Variants in ADCY5 observed in about 807,000 individuals in gnomAD.
ADCY5 encodes the protein adenylate cyclase type 5.
ADCY5 carries 30 observed loss-of-function variants against 119.7 expected under a neutral mutation model. The observed-to-expected ratio is 0.25, with a 90% CI of 0.19 to 0.34. The LOEUF (loss-of-function observed/expected upper bound fraction) is 0.34, where lower values mean the gene tolerates loss of function less well. Ranked by LOEUF, ADCY5 falls within the 10% of genes least tolerant of loss-of-function variation. ADCY5 has a pLI of 1.00. For synonymous variants in ADCY5, 753 were observed against 762.2 expected (o/e 0.99, Z 0.20); for missense variants, 1,324 against 1,775.2 (o/e 0.75, Z 4.57).
chr3:123,384,278 G>T (rs537929808), intron 1 of ADCY5, among the ~76,000 whole-genome samples: 34 of 152,342 alleles, frequency 2.2e-4, no homozygotes, highest in African/African-American at 7.9e-4. Context: ...AACAGAACAG[G>T]TTGGCTGGAC....
Position 123,400,292 on chromosome 3 carries a change from A to G in ADCY5, c.1134+47120T>C, listed in dbSNP as rs1944715648. 6.6e-5 allele frequency among the ~76,000 whole-genome samples: 10 copies of G among 152,296 alleles called. No homozygotes were observed. In the South Asian group the frequency reaches 2.1e-3, roughly 32 times the overall value. Reference sequence around the variant, plus strand: ...GTGCTACAAGCAGCCGGATGCTTCAAGACGCAGCTAGACCAGCACCGCTTG... The same window carrying G: ...GTGCTACAAGCAGCCGGATGCTTCAGGACGCAGCTAGACCAGCACCGCTTG... On this transcript the variant is annotated intron_variant, in intron 1 of 20. Coordinates refer to ENST00000462833, the MANE Select transcript of ADCY5 (RefSeq NM_183357.3).
intron 1 of ADCY5, among the ~76,000 whole-genome samples, chr3:123,443,435 G>C (rs1945756985): frequency 6.6e-6 from 1 of 152,054 alleles, no homozygotes; most frequent in Non-Finnish European, 1.5e-5. Context: ...CCACCACCTG[G>C]GTCAGCCTCA....
intron 1 of ADCY5, among the ~76,000 whole-genome samples, chr3:123,360,302 T>C (rs534433598): frequency 1.4e-4 from 22 of 152,224 alleles, no homozygotes; most frequent in African/African-American, 2.2e-4. Flanking sequence ...ACTAGGGTCC[T>C]GCCCAGACAA....
chr3:123,415,834 C>T (rs371540870), intron 1 of ADCY5, among the ~76,000 whole-genome samples: 3 of 152,198 alleles, frequency 2.0e-5, no homozygotes, highest in African/African-American at 4.8e-5. Flanking sequence ...AATTCAGGTA[C>T]AGATTGTTTT....
chr3:123,414,694 T>C (rs1945144570), intron 1 of ADCY5, among the ~76,000 whole-genome samples: 1 of 152,176 alleles, frequency 6.6e-6, no homozygotes, highest in Non-Finnish European at 1.5e-5. Context: ...GTAGCTGGGA[T>C]TACAGGCATG....
At chr3:123,295,986 G>A (rs1939475079) in intron 17 of ADCY5, 98 bp downstream of exon 17, 10 of 1,528,366 alleles carry the variant, frequency 6.5e-6, no homozygotes, top group South Asian at 2.5e-5. Context: ...AGTGTAAGAC[G>A]AAGGCCCGGC....
chr3:123,356,878 T>C (rs904725277), intron 1 of ADCY5, among the ~76,000 whole-genome samples: 4 of 152,252 alleles, frequency 2.6e-5, no homozygotes, highest in Middle Eastern at 3.4e-3. Context: ...TGAAAAGTTA[T>C]GTTCACACAA....
At chr3:123,382,894 C>T (rs1944079365) in intron 1 of ADCY5, among the ~76,000 whole-genome samples, 1 of 152,132 alleles carries the variant, frequency 6.6e-6, no homozygotes, top group South Asian at 2.1e-4. Flanking sequence ...AAAACGGTTA[C>T]AAGATAAATT....
At chr3:123,320,851 G>A in intron 8 of ADCY5, 80 bp from the exon 9 acceptor site, 1 of 1,040,294 alleles carries the variant, frequency 9.6e-7, no homozygotes. Context: ...CTAGATGGCT[G>A]CAGCTCATCT....
At chr3:123,392,177 A>T (rs1263098437) in intron 1 of ADCY5, among the ~76,000 whole-genome samples, 1 of 152,232 alleles carries the variant, frequency 6.6e-6, no homozygotes, top group Non-Finnish European at 1.5e-5. Context: ...CGTTATACTA[A>T]TTTGTTTTAA....
intron 20 of ADCY5, among the ~76,000 whole-genome samples, chr3:123,285,449 T>C (rs112313720): frequency 0.011 from 1,670 of 152,242 alleles, 33 homozygotes; most frequent in African/African-American, 0.037. Context: ...TGGGGACAGA[T>C]GTGGGGAGGG....
At chr3:123,404,898 A>T (rs912701112) in intron 1 of ADCY5, among the ~76,000 whole-genome samples, 2 of 151,976 alleles carry the variant, frequency 1.3e-5, no homozygotes, top group Non-Finnish European at 2.9e-5. Context: ...ATCTATTCAG[A>T]CCCCATCTTC....
In ADCY5 at chr3:123,415,963, A is replaced by G. The variant is rs7616545; in HGVS notation, c.1134+31449T>C. On this transcript the variant is annotated intron_variant, in intron 1 of 20. Transcript: ENST00000462833. ...TAAGTGAAATCAATGCGGCAAAATC[A>G]TGACAACTGCTGGTTGAATGGTAGG... 0.12 allele frequency among the ~76,000 whole-genome samples: 18,222 copies of G among 152,212 alleles called. 2,603 individuals carry two copies. The highest frequency in any genetic ancestry group is 0.36 in the East Asian group (1,871 of 5,174).
rs1944538073 is a variant in ADCY5, at chr3:123,396,013, A to AGAGAGGGAGGGAGG, written c.1135-43433_1135-43432insCCTCCCTCCCTCTC. Among the ~76,000 whole-genome samples, 167 of 19,556 alleles carry AGAGAGGGAGGGAGG rather than the reference A, an allele frequency of 8.5e-3. 4 individuals are homozygous for AGAGAGGGAGGGAGG. The highest frequency in any genetic ancestry group is 0.021 in the African/African-American group (156 of 7,376). 12.8% of individuals were successfully genotyped at this position (19,556 alleles called of 152,430 possible). ...GAAACAGAAAGAAAGAAAGAGAGAA[A>AGAGAGGGAGGGAGG]GAGAGAGGGAGGGAGGGAGAGAGGG... On this transcript the variant is annotated intron_variant, in intron 1 of 20. Transcript: ENST00000462833.
chr3:123,323,401 T>C (rs1485328285), intron 8 of ADCY5, among the ~76,000 whole-genome samples: 1 of 152,140 alleles, frequency 6.6e-6, no homozygotes, highest in Non-Finnish European at 1.5e-5. Context: ...ACTAAAGATA[T>C]AGCTTATATC....
intron 19 of ADCY5, 136 bp downstream of exon 19, chr3:123,289,614 C>T: frequency 9.8e-7 from 1 of 1,021,128 alleles, no homozygotes; most frequent in South Asian, 1.5e-5. Context: ...GGGAACACAC[C>T]ACATCAGCCT....
At chr3:123,296,843 T>A (rs1939545185) in intron 16 of ADCY5, 2 of 638,010 alleles carry the variant, frequency 3.1e-6, no homozygotes, top group Non-Finnish European at 5.2e-6. Flanking sequence ...AAAGCAGCCA[T>A]TCCAAATCCT....
chr3:123,320,955 C>G (rs1941191060), intron 8 of ADCY5, among the ~76,000 whole-genome samples, 184 bp from the exon 9 acceptor site: 1 of 152,186 alleles, frequency 6.6e-6, no homozygotes, highest in Admixed American at 6.5e-5. Flanking sequence ...GCTGGGTTCT[C>G]CCTAAGAGAC....
At chr3:123,359,944 C>T (rs1423881742) in intron 1 of ADCY5, among the ~76,000 whole-genome samples, 1 of 152,040 alleles carries the variant, frequency 6.6e-6, no homozygotes, top group Non-Finnish European at 1.5e-5. Flanking sequence ...TCAGTGGAAC[C>T]CCATTAAGAT....
Sources: allele counts gnomAD v4.1 joint callset (sites outside exome capture counted in the v4.1 genomes callset), GRCh38; gene constraint gnomAD v4.1.1; transcripts MANE v1.5; gene names NCBI Gene and HGNC (gene_info 2026-07-23, HGNC 2026-07-21).